Variants in SERPINI1 observed in about 807,000 individuals in gnomAD.
SERPINI1 encodes neuroserpin.
A neutral mutation model predicts 41.1 loss-of-function variants in SERPINI1; 19 were observed. The ratio of observed to expected loss-of-function variants is 0.46; its 90% CI spans 0.32 to 0.68. The LOEUF (loss-of-function observed/expected upper bound fraction) is 0.68. SERPINI1 is among the 30% of genes least tolerant of loss of function. The pLI is 0.03. For missense variants in SERPINI1, 460 were observed against 479.2 expected (o/e 0.96, Z 0.37); for synonymous variants, 138 against 156.6 (o/e 0.88, Z 0.89).
chr3:167,752,068 C>T (rs187292043), intron 1 of SERPINI1, among the ~76,000 whole-genome samples: 5 of 152,236 alleles, frequency 3.3e-5, no homozygotes, highest in Non-Finnish European at 7.4e-5. Context: ...TGTGTTCCTG[C>T]TTTCTGCCAG....
At chr3:167,804,790 G>A (rs186300773) in intron 5 of SERPINI1, among the ~76,000 whole-genome samples, 243 of 152,170 alleles carry the variant, frequency 1.6e-3, no homozygotes, top group Middle Eastern at 0.01. Flanking sequence ...CTGCAGTGAG[G>A]TGTGATCATG....
chr3:167,787,519 A>G (rs1000603227), intron 1 of SERPINI1, among the ~76,000 whole-genome samples: 26 of 152,154 alleles, frequency 1.7e-4, no homozygotes, highest in African/African-American at 5.8e-4. Flanking sequence ...CAGCCCCCCA[A>G]CGGTGGCTGA....
At chr3:167,748,726 A>C (rs6444589) in intron 1 of SERPINI1, among the ~76,000 whole-genome samples, 84,475 of 151,186 alleles carry the variant, frequency 0.56, 26,368 homozygotes, top group African/African-American at 0.85. Context: ...AGCAGTCAGC[A>C]CACAGGTAAG....
rs141371005 is a variant in SERPINI1 at position 167,793,596 on chromosome 3, A to ATTTTTTT, written c.676+817_676+818insTTTTTTT. Among the ~76,000 whole-genome samples, 33 of 140,616 alleles carry ATTTTTTT rather than the reference A, an allele frequency of 2.3e-4. No homozygotes were observed. The Middle Eastern group carries it at 0.014, about 60-fold the overall frequency. The allele number at this position is 140,616 out of a possible 152,430, so 92.2% of individuals were successfully genotyped here. On this transcript the variant is annotated intron_variant, in intron 4 of 8. Coordinates refer to ENST00000446050, the MANE Select transcript of SERPINI1 (RefSeq NM_001122752.2). ...TACAAATATATATATATATATATAT[A>ATTTTTTT]TTTTTAATTAGCTAGGCATAATGGT... is the stretch of plus-strand genomic sequence containing the variant.
chr3:167,744,861 A>G (rs1290172907), intron 1 of SERPINI1, among the ~76,000 whole-genome samples: 1 of 128,372 alleles, frequency 7.8e-6, no homozygotes, highest in East Asian at 2.1e-4. Flanking sequence ...AGTTATATAT[A>G]TATATAAATA....
At chr3:167,743,158 T>A (rs1475967349) in intron 1 of SERPINI1, among the ~76,000 whole-genome samples, 1 of 152,168 alleles carries the variant, frequency 6.6e-6, no homozygotes, top group Admixed American at 6.5e-5. Context: ...GTATTAGGAT[T>A]TCTTTTATGA....
At chr3:167,822,921 C>G in intron 6 of SERPINI1, 65 bp from the exon 7 acceptor site, 2 of 915,668 alleles carry the variant, frequency 2.2e-6, no homozygotes, top group South Asian at 1.3e-5. Flanking sequence ...ATCCATTTAA[C>G]AAAAGGGCAA....
In SERPINI1 at chr3:167,742,553, C is replaced by G. The variant is rs1725713393; in HGVS notation, c.-19+6730C>G. On this transcript the variant is annotated intron_variant, in intron 1 of 8. Transcript: ENST00000446050. ...ACAGTTGTTCCTGTTGAGTCTTTCTCTTTTAATCAGGAAATAAAAGCTTTC... is the reference window on the plus strand; with the variant it reads ...ACAGTTGTTCCTGTTGAGTCTTTCTGTTTTAATCAGGAAATAAAAGCTTTC... 2.0e-5 allele frequency among the ~76,000 whole-genome samples: 3 copies of G among 152,154 alleles called. 1 individual carries two copies. The South Asian group carries it at 6.2e-4, about 32-fold the overall frequency.
chr3:167,802,845 T>C (rs1711503676), intron 5 of SERPINI1, among the ~76,000 whole-genome samples: 1 of 150,726 alleles, frequency 6.6e-6, no homozygotes, highest in Admixed American at 6.6e-5. Flanking sequence ...TATTGAGGCA[T>C]TATTCACAAT....
At chr3:167,776,739 T>G (rs1553773333) in intron 1 of SERPINI1, among the ~76,000 whole-genome samples, 1 of 152,240 alleles carries the variant, frequency 6.6e-6, no homozygotes, top group Non-Finnish European at 1.5e-5. Flanking sequence ...TTAAGTTCCT[T>G]GATTTGACTA....
At chr3:167,744,679 T>C (rs1031790665) in intron 1 of SERPINI1, among the ~76,000 whole-genome samples, 22 of 92,838 alleles carry the variant, frequency 2.4e-4, no homozygotes, top group Non-Finnish European at 3.8e-4. Context: ...TATATATAAA[T>C]ATATATATAA....
At chr3:167,762,691 A>T (rs1726426971) in intron 1 of SERPINI1, among the ~76,000 whole-genome samples, 1 of 152,208 alleles carries the variant, frequency 6.6e-6, no homozygotes, top group Middle Eastern at 3.4e-3. Context: ...TCACCTATTC[A>T]GTGAAGCTTC....
rs566931702 is a variant in SERPINI1 at position 167,818,374 on chromosome 3, A to T, written c.980-4612A>T. The stretch of plus-strand genomic sequence containing the variant: ...TGGAGAAAGGTTCACAGATATATGT[A>T]TATCTATCAAAACTTATCAAATCAT... On this transcript the variant is annotated intron_variant, in intron 6 of 8. Coordinates refer to ENST00000446050, the MANE Select transcript of SERPINI1 (RefSeq NM_001122752.2). 7.2e-5 allele frequency among the ~76,000 whole-genome samples: 11 copies of T among 152,336 alleles called. No homozygotes were observed. In the East Asian group the frequency reaches 2.1e-3, roughly 29 times the overall value.
In SERPINI1 at chr3:167,771,925, A is replaced by G. The variant is rs1030570507; in HGVS notation, c.-18-17186A>G. ...CAGGGAATTCTTGCATTAAATTAAC[A>G]GAAGTGAACCTGATGACCTCTAAAT... On this transcript the variant is annotated intron_variant, in intron 1 of 8. Coordinates refer to ENST00000446050, the MANE Select transcript of SERPINI1 (RefSeq NM_001122752.2). Among the ~76,000 whole-genome samples the G allele has an allele frequency of 3.3e-5, 5 of 152,382 alleles. No individual in the cohort carries two copies. In the East Asian group the frequency reaches 7.7e-4, roughly 23 times the overall value.
intron 6 of SERPINI1, among the ~76,000 whole-genome samples, chr3:167,818,855 A>G (rs1036484090): frequency 6.6e-6 from 1 of 152,168 alleles, no homozygotes; most frequent in Non-Finnish European, 1.5e-5. Context: ...CCTCATAGCT[A>G]TTGGAGGCAA....
At chr3:167,792,363 A>G (rs542005634) in intron 3 of SERPINI1, among the ~76,000 whole-genome samples, 1 of 116,894 alleles carries the variant, frequency 8.6e-6, no homozygotes, top group East Asian at 2.2e-4. Context: ...ATATATATAC[A>G]CACATATATA....
intron 6 of SERPINI1, among the ~76,000 whole-genome samples, chr3:167,807,685 T>A (rs892227566): frequency 1.3e-4 from 20 of 152,154 alleles, no homozygotes; most frequent in African/African-American, 4.6e-4. Context: ...TGTCCCATTG[T>A]AGTAAATCAT....
intron 1 of SERPINI1, among the ~76,000 whole-genome samples, chr3:167,744,471 T>C (rs923058441): frequency 2.0e-5 from 3 of 150,844 alleles, no homozygotes; most frequent in Non-Finnish European, 3.0e-5. Context: ...ATCATCTAAT[T>C]GTGAGAAATT....
At chr3:167,745,218 T>C (rs1725827578) in intron 1 of SERPINI1, among the ~76,000 whole-genome samples, 1 of 151,856 alleles carries the variant, frequency 6.6e-6, no homozygotes, top group South Asian at 2.1e-4. Context: ...AAAAGAATTA[T>C]ATACCATGAT....
Sources: allele counts gnomAD v4.1 joint callset (sites outside exome capture counted in the v4.1 genomes callset), GRCh38; gene constraint gnomAD v4.1.1; transcripts MANE v1.5; gene names NCBI Gene and HGNC (gene_info 2026-07-23, HGNC 2026-07-21).